Variants in NACAD observed in about 807,000 individuals in gnomAD.
NACAD encodes the protein NAC alpha domain containing, also known as NAC-alpha domain-containing protein 1.
A neutral mutation model predicts 98.9 loss-of-function variants in NACAD; 47 were observed. The observed-to-expected ratio is 0.48, with a 90% CI of 0.38 to 0.61. The LOEUF is 0.61. NACAD is among the 20% of genes least tolerant of loss of function. The pLI is 0.00. For synonymous variants in NACAD, 696 were observed against 767.2 expected (o/e 0.91, Z 1.53); for missense variants, 1,412 against 1,748.2 (o/e 0.81, Z 3.43).
chr7:45,080,475 A>G lies in NACAD; in HGVS notation c.*34T>C, dbSNP rs779981332. Reference sequence around the variant, plus strand: ...ATTTATTGAGTAGCAGAGCTGAGGGAAGGCGTAGGATGGCTCCAGCTTCCG... The same window carrying G: ...ATTTATTGAGTAGCAGAGCTGAGGGGAGGCGTAGGATGGCTCCAGCTTCCG... On this transcript the variant is annotated 3_prime_UTR_variant, in exon 8 of 8. Coordinates refer to ENST00000490531, the MANE Select transcript of NACAD (RefSeq NM_001146334.2). 2.3e-5 allele frequency: 35 copies of G among 1,551,398 alleles called. No homozygotes were observed. The highest frequency in any genetic ancestry group is 1.7e-4 in the Middle Eastern group (1 of 5,992).
chr7:45,086,831 G>C (rs754690502), intron 1 of NACAD, among the ~76,000 whole-genome samples: 14 of 152,212 alleles, frequency 9.2e-5, no homozygotes, highest in Non-Finnish European at 2.9e-5. Flanking sequence ...GGGCAGGAAC[G>C]GAGACCATGG....
At chr7:45,080,833 C>T in intron 6 of NACAD, 43 bp downstream of exon 6, 1 of 1,549,566 alleles carries the variant, frequency 6.5e-7, no homozygotes, top group Non-Finnish European at 8.7e-7. Flanking sequence ...CATGTAGCGC[C>T]TCCCACCACC....
Position 45,088,728 on chromosome 7 carries a change from A to C in NACAD, c.67+100T>G, listed in dbSNP as rs950638090. The C allele has an allele frequency of 3.3e-5, 26 of 781,140 alleles. No homozygotes were observed. Among genetic ancestry groups the C allele is most frequent in the East Asian group, 4.6e-5 (1 of 21,688 alleles). The allele number at this position is 781,140 out of a possible 1,614,324, so 48.4% of individuals were successfully genotyped here. ...AAGGGGAGGGGACTCGAGGGGGGCC[A>C]GGGGGATGGGGGAGAGGGGTGAAAG... On this transcript the variant is annotated intron_variant, in intron 1 of 7. Coordinates refer to ENST00000490531, the MANE Select transcript of NACAD (RefSeq NM_001146334.2). The surrounding 1 kb of genome is among the most constrained non-coding windows in gnomAD (Gnocchi z 5.7).
intron 1 of NACAD, among the ~76,000 whole-genome samples, chr7:45,087,647 A>T (rs1266776957): frequency 6.6e-6 from 1 of 152,282 alleles, no homozygotes; most frequent in Non-Finnish European, 1.5e-5. Context: ...CCTCAGCAGC[A>T]TCAGAGCCCT....
rs559523235 is a variant in NACAD, at chr7:45,084,249, G to A, written c.1931C>T (p.Pro644Leu). 3.3e-5 allele frequency: 45 copies of A among 1,347,668 alleles called. 2 individuals are homozygous for A. In the East Asian group the frequency reaches 1.2e-3, roughly 36 times the overall value. 83.5% of individuals were successfully genotyped at this position (1,347,668 alleles called of 1,614,324 possible). Residue 644 changes from proline to leucine, a missense_variant, in exon 2 of 8, where the codon CCG becomes CTG. By Grantham distance (98) the Pro-to-Leu change is moderately conservative. This residue lies in a region of NACAD where 72 missense variants were observed against 198.0 expected (regional missense o/e 0.36). Coordinates refer to ENST00000490531, the MANE Select transcript of NACAD (RefSeq NM_001146334.2). Reference protein sequence around the residue: ...LTLPQDSVMTPPLPLQDTELS... With the variant: ...LTLPQDSVMTLPLPLQDTELS... ...TTCTGTGTCTTGTAGGGGCAGAGGC[G>A]GTGTCATAACGGAGTCCTGGGGTAA...
In NACAD at chr7:45,085,475, G is replaced by A. The variant is rs1021603198; in HGVS notation, c.705C>T (p.Ser235=). Reference sequence around the variant, plus strand: ...CTTCAGCCGGAGCCAGCAGGCTGAGGGAACAGGAGGGTGAAGAGGCCCAGC... The same window carrying A: ...CTTCAGCCGGAGCCAGCAGGCTGAGAGAACAGGAGGGTGAAGAGGCCCAGC... ...GDSWASSPSC[S]LSLLAPAEGL... The change falls in exon 2 of 8, where the codon TCC becomes TCT. Residue 235 remains serine, a synonymous_variant. Transcript: ENST00000490531. The surrounding 1 kb of genome is among the most constrained non-coding windows in gnomAD (Gnocchi z 6.1). 3.9e-6 allele frequency: 6 copies of A among 1,550,704 alleles called. No individual in the cohort carries two copies. Among genetic ancestry groups the A allele is most frequent in the Non-Finnish European group, 5.2e-6 (6 of 1,146,874 alleles).
Position 45,081,017 on chromosome 7 carries a change from C to T in NACAD, c.4410G>A (p.Glu1470=), listed in dbSNP as rs1229769630. 1.3e-6 allele frequency: 2 copies of T among 1,551,564 alleles called. No individual in the cohort carries two copies. Among genetic ancestry groups the T allele is most frequent in the Non-Finnish European group, 1.7e-6 (2 of 1,146,976 alleles). The change falls in exon 6 of 8, where the codon GAG becomes GAA. Residue 1470 remains glutamate, a synonymous_variant. Transcript: ENST00000490531. ...CTTTGTGCACTTGCTGGGACAGGTCCTCAATCTGCAAAATGGAAGACAGCT... is the reference window on the plus strand; with the variant it reads ...CTTTGTGCACTTGCTGGGACAGGTCTTCAATCTGCAAAATGGAAGACAGCT... The part of the protein sequence containing the change: ...TYVVFGEAKI[E]DLSQQVHKAA...
intron 1 of NACAD, among the ~76,000 whole-genome samples, chr7:45,087,204 G>A (rs1562929518): frequency 6.6e-6 from 1 of 152,148 alleles, no homozygotes; most frequent in African/African-American, 2.4e-5. Flanking sequence ...TCTGCCTCCT[G>A]GACTCTTACT....
Position 45,088,887 on chromosome 7 carries a change from C to A in NACAD, c.8G>T (p.Gly3Val). The A allele has an allele frequency of 2.1e-6, 3 of 1,462,522 alleles. No individual in the cohort carries two copies. In the South Asian group the frequency reaches 3.9e-5, roughly 19 times the overall value. The allele number at this position is 1,462,522 out of a possible 1,614,324, so 90.6% of individuals were successfully genotyped here. A position where few individuals can be genotyped will look rare whatever the true frequency, so the allele number is the denominator to read the frequency against. Residue 3 changes from glycine to valine, a missense_variant, in exon 1 of 8, where the codon GGG becomes GTG. Transcript: ENST00000490531. This position sits in a 1 kb window ranked among gnomAD's most constrained non-coding sequence, Gnocchi z 5.7. ...CAGCAGCTCGGCGCGGGCAGCCTCC[C>A]CAGGCATGGCCTGGCCGTGCGCCCG... Reference protein sequence around the residue: MPGEAARAELLLP... With the variant: MPVEAARAELLLP...
Position 45,083,347 on chromosome 7 carries a change from G to T in NACAD, c.2833C>A (p.Pro945Thr). ...CCTGCTTCTGCCTGCAAGGTTTGAG[G>T]GGTGGCCACAGCCAGAGGCTCTGGA... is the stretch of plus-strand genomic sequence containing the variant. ...SGPEPLAVAT[P>T]QTLQAEAGCA... Residue 945 changes from proline (P) to threonine (T), a missense_variant, in exon 2 of 8, where the codon CCT becomes ACT. By Grantham distance (38) the Pro-to-Thr change is conservative. Around this residue, in one of 5 missense-constraint regions of NACAD, gnomAD observed 572 missense variants for 639.6 expected, o/e 0.89. Coordinates refer to ENST00000490531, the MANE Select transcript of NACAD (RefSeq NM_001146334.2). The T allele has an allele frequency of 4.5e-6, 7 of 1,551,374 alleles. No homozygotes were observed. The highest frequency in any genetic ancestry group is 5.2e-6 in the Non-Finnish European group (6 of 1,147,018).
In NACAD at chr7:45,088,966, G is replaced by A; in HGVS notation, c.-72C>T. On this transcript the variant is annotated 5_prime_UTR_variant, in exon 1 of 8. Coordinates refer to ENST00000490531, the MANE Select transcript of NACAD (RefSeq NM_001146334.2). The surrounding 1 kb of genome is among the most constrained non-coding windows in gnomAD (Gnocchi z 5.7). ...TCAGTCCGTGCCGCCGCCCCGCCGA[G>A]CCTGCGCGGCCACCGCCCCTCGGCC... is the stretch of plus-strand genomic sequence containing the variant. The A allele has an allele frequency of 2.5e-6, 3 of 1,210,526 alleles. No individual in the cohort carries two copies. Among genetic ancestry groups the A allele is most frequent in the Non-Finnish European group, 3.1e-6 (3 of 958,716 alleles). The allele number at this position is 1,210,526 out of a possible 1,614,324, so 75.0% of individuals were successfully genotyped here. A position where few individuals can be genotyped will look rare whatever the true frequency, so the allele number is the denominator to read the frequency against.
At position 45,088,657 on chromosome 7, in the gene NACAD, G is replaced by A. The variant is rs1784557962; in HGVS notation, c.67+171C>T. On this transcript the variant is annotated intron_variant, in intron 1 of 7. Coordinates refer to ENST00000490531, the MANE Select transcript of NACAD (RefSeq NM_001146334.2). This position sits in a 1 kb window ranked among gnomAD's most constrained non-coding sequence, Gnocchi z 5.7. ...CGCCCCACCTTCCCCGCAGTTCTGA[G>A]AGAGGCGGTAGCAGGGTTCAGATGG... Among the ~76,000 whole-genome samples, 1 of 151,570 alleles carries A rather than the reference G, an allele frequency of 6.6e-6. No homozygotes were observed. The highest frequency in any genetic ancestry group is 1.5e-5 in the Non-Finnish European group (1 of 67,828).
chr7:45,081,332 G>T, intron 4 of NACAD, 69 bp from the exon 5 acceptor site: 1 of 1,521,184 alleles, frequency 6.6e-7, no homozygotes, highest in East Asian at 2.4e-5. Context: ...GAGCAGCACA[G>T]TGCCCAGGAA....
Position 45,081,654 on chromosome 7 carries a change from C to A in NACAD, c.4204G>T (p.Glu1402Ter). 1 of 1,551,474 alleles carries A rather than the reference C, an allele frequency of 6.4e-7. No homozygotes were observed. Among genetic ancestry groups the A allele is most frequent in the Non-Finnish European group, 8.7e-7 (1 of 1,147,008 alleles). The part of the protein sequence containing the change: ...CPAQAPAGGS[E>*]ETIAKAKQSR... ...TGCTTGGCTTTGGCGATGGTCTCCT[C>A]ACTGCCGCCTGCTGGGGCCTGAGAA... Residue 1402 changes from glutamate to a stop codon, truncating the protein, a stop_gained, in exon 4 of 8, where the codon GAG becomes TAG. Coordinates refer to ENST00000490531, the MANE Select transcript of NACAD (RefSeq NM_001146334.2). LOFTEE classifies it high-confidence loss of function.
At chr7:45,087,066 C>T (rs1784532246) in intron 1 of NACAD, among the ~76,000 whole-genome samples, 1 of 152,186 alleles carries the variant, frequency 6.6e-6, no homozygotes, top group Non-Finnish European at 1.5e-5. Context: ...CGTCTGTGAG[C>T]TAACACACCT....
In NACAD at chr7:45,085,628, G is replaced by C; in HGVS notation, c.552C>G (p.Thr184=). The C allele has an allele frequency of 6.5e-7, 1 of 1,548,966 alleles. No homozygotes were observed. The highest frequency in any genetic ancestry group is 8.7e-7 in the Non-Finnish European group (1 of 1,146,128). ...GCCCACAGGCAGGAAGCAGGGCATA[G>C]GTGGTCTTGGTGGGGGTGGAGGGAG... The part of the protein sequence containing the change: ...FTPPSTPTKT[T]YALLPACGPH... Residue 184 remains threonine (T), a synonymous_variant, in exon 2 of 8, where the codon ACC becomes ACG. Transcript: ENST00000490531. This position sits in a 1 kb window ranked among gnomAD's most constrained non-coding sequence, Gnocchi z 6.1.
chr7:45,081,735 C>T lies in NACAD; in HGVS notation c.4185+20G>A, dbSNP rs1391180556. 6.4e-6 allele frequency: 10 copies of T among 1,551,112 alleles called. No homozygotes were observed. Among genetic ancestry groups the T allele is most frequent in the African/African-American group, 4.1e-5 (3 of 73,060 alleles). On this transcript the variant is annotated intron_variant, in intron 3 of 7. Transcript: ENST00000490531. ...TGTGGGGCCCTCCCAGAGGCCCACCCTCTTCCCTGGACTGGGCACCTGGGC... is the reference window on the plus strand; with the variant it reads ...TGTGGGGCCCTCCCAGAGGCCCACCTTCTTCCCTGGACTGGGCACCTGGGC...
chr7:45,085,568 C>A lies in NACAD; in HGVS notation c.612G>T (p.Leu204=). 2 of 1,550,232 alleles carry A rather than the reference C, an allele frequency of 1.3e-6. No individual in the cohort carries two copies. The highest frequency in any genetic ancestry group is 2.4e-5 in the South Asian group (2 of 83,972). Residue 204 remains leucine, a synonymous_variant, in exon 2 of 8, where the codon CTG becomes CTT. Coordinates refer to ENST00000490531, the MANE Select transcript of NACAD (RefSeq NM_001146334.2). This position sits in a 1 kb window ranked among gnomAD's most constrained non-coding sequence, Gnocchi z 6.1. ...GGGGCGAGTCCAGCAGCTCATCCCG[C>A]AGCTCAGCCTCTGAGTCCCTGGCGT... The part of the protein sequence containing the change: ...HGDARDSEAE[L]RDELLDSPPA...
chr7:45,085,624 C>G lies in NACAD; in HGVS notation c.556G>C (p.Ala186Pro). The change falls in exon 2 of 8, where the codon GCC becomes CCC. Residue 186 changes from alanine (A) to proline (P), a missense_variant. Ala to Pro is a conservative substitution (Grantham distance 27). Around this residue, in one of 5 missense-constraint regions of NACAD, gnomAD observed 638 missense variants for 722.7 expected, o/e 0.88. Transcript: ENST00000490531. The surrounding 1 kb of genome is among the most constrained non-coding windows in gnomAD (Gnocchi z 6.1). ...TGGGGCCCACAGGCAGGAAGCAGGG[C>G]ATAGGTGGTCTTGGTGGGGGTGGAG... is the stretch of plus-strand genomic sequence containing the variant. ...PPSTPTKTTY[A>P]LLPACGPHGD... 1 of 1,548,728 alleles carries G rather than the reference C, an allele frequency of 6.5e-7. No homozygotes were observed. The highest frequency in any genetic ancestry group is 1.2e-5 in the South Asian group (1 of 83,752).
Sources: gnomAD v4.1 joint callset for allele counts (sites outside exome capture counted in the v4.1 genomes callset) on GRCh38, gnomAD v4.1.1 for gene constraint, gnomAD v4.1.1 regional missense constraint, Gnocchi (gnomAD v3.1) non-coding constraint, MANE v1.5 for transcripts, NCBI Gene and HGNC (gene_info 2026-07-23, HGNC 2026-07-21) for gene names.